SATL1: variants seen among roughly 807,000 people sequenced by gnomAD.
SATL1 encodes spermidine/spermine N1-acetyl transferase like 1.
In SATL1, 47 loss-of-function variants were observed where a neutral mutation model predicts 51.8. The ratio of observed to expected loss-of-function variants is 0.91; its 90% confidence interval spans 0.72 to 1.16. SATL1 has a LOEUF of 1.16. Among genes scored for constraint, SATL1 ranks in the 50% most tolerant of loss-of-function variants. The pLI, the probability that SATL1 is intolerant of heterozygous loss-of-function variation, is 0.00. For synonymous variants in SATL1, 176 were observed against 182.4 expected (o/e 0.97, Z 0.28); for missense variants, 520 against 526.4 (o/e 0.99, Z 0.12).
intron 2 of SATL1, among the ~76,000 whole-genome samples, chrX:85,215,292 T>A (rs1419869078): frequency 1.8e-5 from 2 of 111,165 alleles, no homozygotes; most frequent in Non-Finnish European, 3.8e-5. Flanking sequence ...TCTTCTTAGG[T>A]CTCTGGGCCT....
chrX:85,124,526 C>T (rs772776043), intron 2 of SATL1, among the ~76,000 whole-genome samples: 1 of 111,570 alleles, frequency 9.0e-6, no homozygotes, highest in Non-Finnish European at 1.9e-5. Flanking sequence ...TGCTAGCTTT[C>T]CTCTCCATTT....
At chrX:85,158,184 G>A (rs775488262) in intron 2 of SATL1, among the ~76,000 whole-genome samples, 12 of 110,266 alleles carry the variant, frequency 1.1e-4, no homozygotes, top group African/African-American at 3.6e-4. Flanking sequence ...ACACAACCAG[G>A]AACTAATAAG....
At chrX:85,166,278 C>T (rs1926832390) in intron 2 of SATL1, among the ~76,000 whole-genome samples, 1 of 111,365 alleles carries the variant, frequency 9.0e-6, no homozygotes, top group African/African-American at 3.3e-5. Flanking sequence ...AGATAAATAG[C>T]TGGGACTTAA....
At chrX:85,216,466 A>G (rs1664094234) in intron 2 of SATL1, among the ~76,000 whole-genome samples, 1 of 111,019 alleles carries the variant, frequency 9.0e-6, no homozygotes, top group African/African-American at 3.3e-5. Context: ...TCCTCTCCCA[A>G]GCTCATGCAT....
intron 6 of SATL1, 132 bp downstream of exon 6, chrX:85,093,996 G>C (rs933621741): frequency 2.5e-6 from 1 of 404,787 alleles, no homozygotes; most frequent in African/African-American, 2.5e-5. Flanking sequence ...TTAGGATAGT[G>C]ATCAAACTCA....
chrX:85,143,870 AGAT>A (rs910502967), intron 2 of SATL1, among the ~76,000 whole-genome samples: 1 of 111,282 alleles, frequency 9.0e-6, no homozygotes, highest in African/African-American at 3.3e-5. Flanking sequence ...ATGTTGTACC[AGAT>A]TTTTAAGAAA....
intron 2 of SATL1, among the ~76,000 whole-genome samples, chrX:85,157,400 T>C (rs1926623449): frequency 9.0e-6 from 1 of 111,644 alleles, no homozygotes; most frequent in African/African-American, 3.2e-5. Flanking sequence ...CTATGAATAT[T>C]GTTGATGTCT....
intron 2 of SATL1, among the ~76,000 whole-genome samples, chrX:85,146,996 G>A (rs899752519): frequency 8.9e-5 from 10 of 112,687 alleles, no homozygotes; most frequent in Non-Finnish European, 1.5e-4. Context: ...CGCACCGTGC[G>A]AGAGCCAAAG....
intron 2 of SATL1, chrX:85,209,756 C>T (rs1184558880): frequency 9.1e-5 from 10 of 110,199 alleles, no homozygotes; most frequent in Non-Finnish European, 1.5e-4. Flanking sequence ...TAGCGGTCTA[C>T]CAATTTTGTT....
At chrX:85,097,501 C>T (rs767627180) in intron 4 of SATL1, among the ~76,000 whole-genome samples, 1 of 111,453 alleles carries the variant, frequency 9.0e-6, no homozygotes, top group East Asian at 2.8e-4. Flanking sequence ...TCATGCCCAG[C>T]TAATTTTTTA....
chrX:85,180,491 G>C (rs1471752982), intron 2 of SATL1, among the ~76,000 whole-genome samples: 1 of 111,333 alleles, frequency 9.0e-6, no homozygotes, highest in Non-Finnish European at 1.9e-5. Flanking sequence ...CAACACAATG[G>C]TATGTGTGTA....
Position 85,108,153 on chromosome X carries a change from G to A in SATL1, c.816C>T (p.Asn272=). Residue 272 remains asparagine (N), a synonymous_variant, in exon 3 of 8, where the codon AAC becomes AAT. Transcript: ENST00000644105. ...CACTCCATTGGTTCATGTCCATTTG[G>A]TTCATACCAAGTAAGCTTGGGCTTG... ...IQPSPSLLGM[N]QMDMNQWSAS... 1.7e-6 allele frequency: 2 copies of A among 1,211,696 alleles called. No homozygotes were observed. Among genetic ancestry groups the A allele is most frequent in the South Asian group, 3.5e-5 (2 of 57,002 alleles).
intron 2 of SATL1, among the ~76,000 whole-genome samples, chrX:85,216,887 G>C (rs1216671135): frequency 8.9e-6 from 1 of 111,792 alleles, no homozygotes; most frequent in Non-Finnish European, 1.9e-5. Flanking sequence ...GACTAAAATT[G>C]AATAGCTCAG....
At chrX:85,165,220 C>T (rs942098343) in intron 2 of SATL1, among the ~76,000 whole-genome samples, 8 of 111,065 alleles carry the variant, frequency 7.2e-5, no homozygotes, top group Middle Eastern at 4.3e-3. Flanking sequence ...AATTTCTTGG[C>T]GGCTTTGTTC....
At chrX:85,182,212 A>G (rs1285917102) in intron 2 of SATL1, among the ~76,000 whole-genome samples, 1 of 111,206 alleles carries the variant, frequency 9.0e-6, no homozygotes, top group Non-Finnish European at 1.9e-5. Context: ...GTAATTTTGT[A>G]TCCTTTAACA....
intron 2 of SATL1, among the ~76,000 whole-genome samples, chrX:85,148,615 T>C (rs1180237086): frequency 3.6e-5 from 4 of 111,705 alleles, no homozygotes; most frequent in Admixed American, 2.9e-4. Context: ...ACAGCGGATC[T>C]CTCGGCAAAA....
At chrX:85,202,167 T>C (rs917499910) in intron 2 of SATL1, among the ~76,000 whole-genome samples, 1 of 112,115 alleles carries the variant, frequency 8.9e-6, no homozygotes, top group East Asian at 2.8e-4. Flanking sequence ...TGGTGTGAGA[T>C]GGTATCTCTT....
chrX:85,177,133 G>C (rs1379257994), intron 2 of SATL1, among the ~76,000 whole-genome samples: 1 of 111,706 alleles, frequency 9.0e-6, no homozygotes, highest in African/African-American at 3.2e-5. Context: ...CAGAGTTGAA[G>C]AGACTAAGGA....
intron 2 of SATL1, among the ~76,000 whole-genome samples, chrX:85,214,252 T>A (rs1488440021): frequency 9.0e-6 from 1 of 111,592 alleles, no homozygotes; most frequent in African/African-American, 3.3e-5. Flanking sequence ...CCACTCATGG[T>A]AGAAGGCAAA....
Sources: gnomAD v4.1 joint callset for allele counts (sites outside exome capture counted in the v4.1 genomes callset) on GRCh38, gnomAD v4.1.1 for gene constraint, MANE v1.5 for transcripts, NCBI Gene and HGNC (gene_info 2026-07-23, HGNC 2026-07-21) for gene names.